Variants in ELMOD1 observed in about 807,000 individuals in gnomAD.
ELMOD1 encodes ELMO domain-containing protein 1.
In ELMOD1, 21 loss-of-function variants were observed where a neutral mutation model predicts 46.7. That is an observed-to-expected ratio of 0.45 (90% CI 0.32 to 0.65). The LOEUF is 0.65. Among genes scored for constraint, ELMOD1 ranks in the 30% least tolerant of loss-of-function variants. The pLI, the probability that ELMOD1 is intolerant of heterozygous loss-of-function variation, is 0.04. For missense variants in ELMOD1, 348 were observed against 407.8 expected (o/e 0.85, Z 1.26); for synonymous variants, 122 against 138.2 (o/e 0.88, Z 0.82).
intron 10 of ELMOD1, among the ~76,000 whole-genome samples, chr11:107,655,021 T>G (rs1253168625): frequency 6.6e-6 from 1 of 152,162 alleles, no homozygotes; most frequent in Non-Finnish European, 1.5e-5. Context: ...GTTAAGATCC[T>G]TATTTACATT....
intron 6 of ELMOD1, chr11:107,642,832 G>A (rs561767415): frequency 4.1e-4 from 98 of 241,286 alleles, no homozygotes; most frequent in African/African-American, 2.0e-3. Context: ...GATACATACC[G>A]TACATAATTA....
At chr11:107,604,537 A>G (rs1398858385) in intron 1 of ELMOD1, among the ~76,000 whole-genome samples, 1 of 152,174 alleles carries the variant, frequency 6.6e-6, no homozygotes, top group Non-Finnish European at 1.5e-5. Context: ...ATTGATTCTA[A>G]GATACTTTTT....
chr11:107,607,959 C>A (rs899071046), intron 1 of ELMOD1, among the ~76,000 whole-genome samples: 7 of 149,994 alleles, frequency 4.7e-5, no homozygotes, highest in Admixed American at 2.7e-4. Context: ...CCGGCTCCCC[C>A]ACAACCTTAT....
At chr11:107,592,340 C>A (rs761170447) in intron 1 of ELMOD1, 1 of 533,794 alleles carries the variant, frequency 1.9e-6, no homozygotes, top group Non-Finnish European at 3.8e-6. Context: ...CTGCTAACCC[C>A]CAGTGGGCCG....
chr11:107,655,492 T>A (rs1866611243), intron 10 of ELMOD1, among the ~76,000 whole-genome samples: 1 of 151,130 alleles, frequency 6.6e-6, no homozygotes, highest in South Asian at 2.1e-4. Flanking sequence ...AAGGTTTTGA[T>A]AGGGTGGGGA....
Position 107,635,718 on chromosome 11 carries a change from G to A in ELMOD1, c.373G>A (p.Glu125Lys). Residue 125 changes from glutamate to lysine, a missense_variant, in exon 6 of 12, where the codon GAG (glutamate) becomes AAG (lysine). Physicochemically the swap from Glu to Lys is moderately conservative, Grantham distance 56. Coordinates refer to ENST00000265840, the MANE Select transcript of ELMOD1 (RefSeq NM_018712.4). ...LIADVEKLRR[E>K]AYDSDNPQHE... Reference sequence around the variant, plus strand: ...TGCAGATGTGGAAAAACTGCGTAGAGAGGCCTATGATTCTGATAATCCCCA... The same window carrying A: ...TGCAGATGTGGAAAAACTGCGTAGAAAGGCCTATGATTCTGATAATCCCCA... The A allele has an allele frequency of 6.2e-7, 1 of 1,613,960 alleles. No homozygotes were observed. Among genetic ancestry groups the A allele is most frequent in the Non-Finnish European group, 8.5e-7 (1 of 1,179,870 alleles).
At position 107,644,675 on chromosome 11, in the gene ELMOD1, C is replaced by CCT. The variant is rs1404914368; in HGVS notation, c.421-2793_421-2792insCT. On this transcript the variant is annotated intron_variant, in intron 6 of 11. Transcript: ENST00000265840. ...ATTTTTAGTAGAGACGGGGTTTTACCGTGTTAGCCAGGATGGTCTCGATCT... is the reference window on the plus strand; with the variant it reads ...ATTTTTAGTAGAGACGGGGTTTTACCCTGTGTTAGCCAGGATGGTCTCGATCT... 5.9e-5 allele frequency among the ~76,000 whole-genome samples: 9 copies of CCT among 151,932 alleles called. No individual in the cohort carries two copies. The East Asian group carries it at 9.8e-4, about 17-fold the overall frequency.
intron 6 of ELMOD1, among the ~76,000 whole-genome samples, chr11:107,638,165 G>A (rs1009519328): frequency 5.3e-5 from 8 of 152,026 alleles, no homozygotes; most frequent in Admixed American, 1.3e-4. Flanking sequence ...TGCAGAAGCC[G>A]GCTCGTTTTT....
intron 1 of ELMOD1, 118 bp from the exon 2 acceptor site, chr11:107,617,987 G>T: frequency 1.6e-6 from 1 of 617,670 alleles, no homozygotes. Flanking sequence ...GGGCAGTTCT[G>T]TTGATAATGT....
At chr11:107,643,855 C>A in intron 6 of ELMOD1, 1 of 267,452 alleles carries the variant, frequency 3.7e-6, no homozygotes, top group Admixed American at 4.2e-5. Flanking sequence ...CATTGCCATG[C>A]CCTCTGCCAT....
At chr11:107,657,636 A>C (rs764080723) in intron 11 of ELMOD1, among the ~76,000 whole-genome samples, 6 of 152,190 alleles carry the variant, frequency 3.9e-5, no homozygotes, top group Non-Finnish European at 7.3e-5. Flanking sequence ...CTTACCAATC[A>C]AGTATGGGAA....
At chr11:107,645,859 A>G (rs537267532) in intron 6 of ELMOD1, among the ~76,000 whole-genome samples, 33 of 152,374 alleles carry the variant, frequency 2.2e-4, no homozygotes, top group Non-Finnish European at 4.0e-4. Context: ...ATAAAATAAC[A>G]TTAGTAAAAT....
intron 10 of ELMOD1, among the ~76,000 whole-genome samples, chr11:107,654,768 CAAAAAAAAA>C (rs945140722): frequency 1.5e-5 from 1 of 66,916 alleles, no homozygotes; most frequent in African/African-American, 5.2e-5. Context: ...GACTCCGTCT[CAAAAAAAAA>C]AAAAAAAAAA....
chr11:107,596,067 T>A (rs563489104), intron 1 of ELMOD1, among the ~76,000 whole-genome samples: 37 of 152,228 alleles, frequency 2.4e-4, no homozygotes, highest in African/African-American at 8.4e-4. Flanking sequence ...AACTGTAGAT[T>A]CAAAAGTCTT....
At chr11:107,657,027 A>G (rs1290621436) in intron 11 of ELMOD1, among the ~76,000 whole-genome samples, 1 of 152,178 alleles carries the variant, frequency 6.6e-6, no homozygotes, top group East Asian at 1.9e-4. Flanking sequence ...ATTAAGAAAA[A>G]TTTTCAGAAC....
chr11:107,623,587 C>T (rs1865989886), intron 2 of ELMOD1: 1 of 152,310 alleles, frequency 6.6e-6, no homozygotes, highest in African/African-American at 2.4e-5. Context: ...TTCTGTCTGT[C>T]TCTGTGGGAT....
At chr11:107,609,408 T>C (rs566287293) in intron 1 of ELMOD1, among the ~76,000 whole-genome samples, 1 of 152,374 alleles carries the variant, frequency 6.6e-6, no homozygotes, top group African/African-American at 2.4e-5. Context: ...TTACAGGGGA[T>C]AAACTTGGAA....
intron 2 of ELMOD1, among the ~76,000 whole-genome samples, chr11:107,622,020 T>C (rs1591114346): frequency 6.6e-6 from 1 of 152,044 alleles, no homozygotes; most frequent in East Asian, 1.9e-4. Context: ...AGAGCAAAAC[T>C]CCATCTCAAA....
chr11:107,665,282 G>C lies in ELMOD1; in HGVS notation c.*85G>C. On this transcript the variant is annotated 3_prime_UTR_variant, in exon 12 of 12. Coordinates refer to ENST00000265840, the MANE Select transcript of ELMOD1 (RefSeq NM_018712.4). Reference sequence around the variant, plus strand: ...CTGCTTAGGTCGCAGCTCACGCATTGAATGCACACAGTGATTGTATGCATG... The same window carrying C: ...CTGCTTAGGTCGCAGCTCACGCATTCAATGCACACAGTGATTGTATGCATG... 1 of 1,360,916 alleles carries C rather than the reference G, an allele frequency of 7.3e-7. No individual in the cohort carries two copies. 84.3% of individuals were successfully genotyped at this position (1,360,916 alleles called of 1,614,324 possible).
Sources: allele counts gnomAD v4.1 joint callset (sites outside exome capture counted in the v4.1 genomes callset), GRCh38; gene constraint gnomAD v4.1.1; transcripts MANE v1.5; gene names NCBI Gene and HGNC (gene_info 2026-07-23, HGNC 2026-07-21).